SMARCC1: variants seen among roughly 807,000 people sequenced by gnomAD.
SMARCC1 encodes SWI/SNF related BAF chromatin remodeling complex subunit C1.
SMARCC1 carries 43 observed loss-of-function variants against 147.4 expected under a neutral mutation model. The observed-to-expected ratio is 0.29, with a 90% CI of 0.23 to 0.38. SMARCC1 has a LOEUF of 0.38. Ranked by LOEUF, SMARCC1 falls within the 10% of genes least tolerant of loss-of-function variation. The pLI, the probability that SMARCC1 is intolerant of heterozygous loss-of-function variation, is 1.00. For synonymous variants in SMARCC1, 495 were observed against 484.4 expected (o/e 1.02, Z -0.29); for missense variants, 1,119 against 1,381.1 (o/e 0.81, Z 3.01).
At chr3:47,780,168 GTTTTTTTTT>G (rs10662354) in intron 1 of SMARCC1, among the ~76,000 whole-genome samples, 2 of 61,882 alleles carry the variant, frequency 3.2e-5, no homozygotes, top group African/African-American at 6.6e-5. Flanking sequence ...GTTTTTTTTT[GTTTTTTTTT>G]TTTTTTTTTT....
intron 3 of SMARCC1, among the ~76,000 whole-genome samples, chr3:47,739,167 C>G (rs2034478951): frequency 6.6e-6 from 1 of 152,194 alleles, no homozygotes; most frequent in Non-Finnish European, 1.5e-5. Flanking sequence ...TTGTGGAAAA[C>G]TACATTAGTC....
At chr3:47,741,346 T>G (rs1022202704) in intron 3 of SMARCC1, among the ~76,000 whole-genome samples, 6 of 73,410 alleles carry the variant, frequency 8.2e-5, no homozygotes, top group African/African-American at 2.3e-4. Flanking sequence ...TAAGGGAAAT[T>G]TGAACACTCA....
At chr3:47,591,471 T>C (rs2032181276) in intron 26 of SMARCC1, among the ~76,000 whole-genome samples, 1 of 151,766 alleles carries the variant, frequency 6.6e-6, no homozygotes, top group South Asian at 2.1e-4. Flanking sequence ...GATAGACTCA[T>C]AAGGGAAAAC....
chr3:47,722,548 G>A (rs1255904902), intron 6 of SMARCC1, among the ~76,000 whole-genome samples: 1 of 151,680 alleles, frequency 6.6e-6, no homozygotes, highest in Non-Finnish European at 1.5e-5. Flanking sequence ...CTACCACCTC[G>A]GCCTCCCAAA....
At chr3:47,650,042 C>T (rs965114696) in intron 21 of SMARCC1, among the ~76,000 whole-genome samples, 14 of 151,884 alleles carry the variant, frequency 9.2e-5, no homozygotes, top group East Asian at 1.9e-4. Context: ...TTTGGGAGGC[C>T]GAGGCAGGCG....
intron 21 of SMARCC1, among the ~76,000 whole-genome samples, chr3:47,660,307 G>A (rs1227810148): frequency 1.3e-5 from 2 of 151,898 alleles, no homozygotes; most frequent in East Asian, 3.9e-4. Context: ...TTAGCTGGGC[G>A]TGGTGGCAGG....
intron 2 of SMARCC1, among the ~76,000 whole-genome samples, chr3:47,754,437 G>C (rs1027356671): frequency 2.0e-5 from 3 of 151,932 alleles, no homozygotes; most frequent in Non-Finnish European, 4.4e-5. Context: ...TCTTGACCTC[G>C]TGATCCACCA....
intron 1 of SMARCC1, among the ~76,000 whole-genome samples, chr3:47,779,186 C>G (rs1297973692): frequency 6.6e-6 from 1 of 151,880 alleles, no homozygotes. Context: ...GAGCTATGAT[C>G]ACGCCACTGT....
intron 2 of SMARCC1, among the ~76,000 whole-genome samples, chr3:47,753,447 C>T (rs1221423434): frequency 6.6e-6 from 1 of 151,574 alleles, no homozygotes. Flanking sequence ...GGTGCGATGG[C>T]TCATGCCTGT....
chr3:47,767,553 T>TA lies in SMARCC1; in HGVS notation c.315+5263dup, dbSNP rs765197611. ...ACCGCACCCAGCCTCCACTCTGATT[T>TA]AAAAAAAAAAAAAAAAAGTCCAAAT... is the stretch of plus-strand genomic sequence containing the variant. On this transcript the variant is annotated intron_variant, in intron 2 of 27. Coordinates refer to ENST00000254480, the MANE Select transcript of SMARCC1 (RefSeq NM_003074.4). Among the ~76,000 whole-genome samples the TA allele has an allele frequency of 9.0e-3, 999 of 111,298 alleles. 9 individuals are homozygous for TA. Among genetic ancestry groups the TA allele is most frequent in the Middle Eastern group, 0.047 (10 of 214 alleles). 73.0% of individuals were successfully genotyped at this position (111,298 alleles called of 152,430 possible).
chr3:47,777,974 G>C (rs1481889585), intron 1 of SMARCC1, among the ~76,000 whole-genome samples: 1 of 151,518 alleles, frequency 6.6e-6, no homozygotes, highest in African/African-American at 2.4e-5. Context: ...GGGAGGCTGA[G>C]GCTGGCGGAT....
chr3:47,676,705 G>T lies in SMARCC1; in HGVS notation c.1649C>A (p.Pro550His). ...DPESRPMAMG[P>H]PPTPHFNVLA... ...TACATTAAAATGAGGAGTAGGAGGA[G>T]GTCCCATTGCCATGGGTCTACTTTC... is the stretch of plus-strand genomic sequence containing the variant. Residue 550 changes from proline to histidine, a missense_variant, in exon 17 of 28, where the codon CCT becomes CAT. By Grantham distance (77) the Pro-to-His change is moderately conservative. Around this residue, in one of 6 missense-constraint regions of SMARCC1, gnomAD observed 178 missense variants for 264.6 expected, o/e 0.67. Transcript: ENST00000254480. 6.2e-7 allele frequency: 1 copy of T among 1,611,950 alleles called. No individual in the cohort carries two copies. The highest frequency in any genetic ancestry group is 8.5e-7 in the Non-Finnish European group (1 of 1,178,216).
intron 2 of SMARCC1, among the ~76,000 whole-genome samples, chr3:47,757,077 T>C (rs1395739610): frequency 6.6e-6 from 1 of 151,974 alleles, no homozygotes; most frequent in Admixed American, 6.6e-5. Flanking sequence ...CAGGCGAGAC[T>C]GTCTCTACAA....
rs537729394 is a variant in SMARCC1, at chr3:47,681,511, A to G, written c.1386-1003T>C. Among the ~76,000 whole-genome samples the G allele has an allele frequency of 2.6e-5, 4 of 152,304 alleles. No individual in the cohort carries two copies. The East Asian group carries it at 7.7e-4, about 29-fold the overall frequency. On this transcript the variant is annotated intron_variant, in intron 14 of 27. Transcript: ENST00000254480. ...ACAGTAAAAAAAGAACAAACTGTAT[A>G]TCTAGCACAAAGTTTCTGCTGCTAA...
At chr3:47,698,533 G>A (rs1203520999) in intron 11 of SMARCC1, among the ~76,000 whole-genome samples, 2 of 151,648 alleles carry the variant, frequency 1.3e-5, no homozygotes, top group East Asian at 1.9e-4. Context: ...TAGAATACAC[G>A]GCCAAAAATT....
intron 9 of SMARCC1, among the ~76,000 whole-genome samples, chr3:47,709,276 T>C (rs1188051036): frequency 6.7e-6 from 1 of 149,496 alleles, no homozygotes; most frequent in African/African-American, 2.5e-5. Flanking sequence ...AAAAAAAAAA[T>C]TAATGTGAAA....
intron 10 of SMARCC1, among the ~76,000 whole-genome samples, chr3:47,703,018 C>G (rs767671470): frequency 2.6e-5 from 4 of 152,218 alleles, no homozygotes; most frequent in African/African-American, 4.8e-5. Flanking sequence ...TCTTTTCCTT[C>G]CCAGGTTCAA....
At chr3:47,657,296 T>C (rs1363990445) in intron 21 of SMARCC1, among the ~76,000 whole-genome samples, 3 of 152,218 alleles carry the variant, frequency 2.0e-5, no homozygotes, top group Non-Finnish European at 4.4e-5. Flanking sequence ...CAAAGAATGT[T>C]GTCTAGAATA....
rs190626073 is a variant in SMARCC1 at position 47,763,352 on chromosome 3, G to A, written c.315+9465C>T. ...TTTCAGAGGACAAGGCAGGAGGATA[G>A]CTTGAGCCCAGGAGTTTGGGACCAG... is the stretch of plus-strand genomic sequence containing the variant. On this transcript the variant is annotated intron_variant, in intron 2 of 27. Coordinates refer to ENST00000254480, the MANE Select transcript of SMARCC1 (RefSeq NM_003074.4). Among the ~76,000 whole-genome samples, 378 of 150,466 alleles carry A rather than the reference G, an allele frequency of 2.5e-3. 1 individual carries two copies. Among genetic ancestry groups the A allele is most frequent in the Non-Finnish European group, 4.0e-3 (274 of 67,732 alleles).
Sources: gnomAD v4.1 joint callset for allele counts (sites outside exome capture counted in the v4.1 genomes callset) on GRCh38, gnomAD v4.1.1 for gene constraint, gnomAD v4.1.1 regional missense constraint, MANE v1.5 for transcripts, NCBI Gene and HGNC (gene_info 2026-07-23, HGNC 2026-07-21) for gene names.